MMP24: variants seen among roughly 807,000 people sequenced by gnomAD.
The protein encoded by MMP24 is matrix metallopeptidase 24.
MMP24 carries 25 observed loss-of-function variants against 62.8 expected under a neutral mutation model. The observed-to-expected ratio is 0.40, with a 90% CI of 0.29 to 0.56. MMP24 has a LOEUF of 0.56. Ranked by LOEUF, MMP24 falls within the 20% of genes least tolerant of loss-of-function variation. The pLI is 0.50. For synonymous variants in MMP24, 319 were observed against 350.5 expected, an observed-to-expected ratio of 0.91 and a Z score of 1.00; for missense variants, 634 against 853.6, an observed-to-expected ratio of 0.74 and a Z score of 3.21.
At chr20:35,244,155 G>A (rs1486803688) in intron 1 of MMP24, among the ~76,000 whole-genome samples, 1 of 152,150 alleles carries the variant, frequency 6.6e-6, no homozygotes, top group Non-Finnish European at 1.5e-5. Flanking sequence ...TCCATAATTA[G>A]CCTGTTCATA....
intron 4 of MMP24, among the ~76,000 whole-genome samples, chr20:35,261,276 C>T (rs774862228): frequency 5.3e-5 from 8 of 152,178 alleles, no homozygotes; most frequent in African/African-American, 1.9e-4. Context: ...CCACTGGCCT[C>T]GTGCTTCCTT....
chr20:35,275,984 G>A lies in MMP24; in HGVS notation c.*1375G>A. The A allele has an allele frequency of 2.5e-6, 1 of 398,652 alleles. No homozygotes were observed. The highest frequency in any genetic ancestry group is 4.4e-6 in the Non-Finnish European group (1 of 226,108). 24.7% of individuals were successfully genotyped at this position (398,652 alleles called of 1,614,324 possible). A position where few individuals can be genotyped will look rare whatever the true frequency, so the allele number is the denominator to read the frequency against. On this transcript the variant is annotated 3_prime_UTR_variant, in exon 9 of 9. Coordinates refer to ENST00000246186, the MANE Select transcript of MMP24 (RefSeq NM_006690.4). ...AGGCAGCCCTGCTTGTCACTGAGGA[G>A]CCCTAGACAAGGCCAATGGGTTCAT...
chr20:35,256,160 ATAAT>A (rs1600792244), intron 4 of MMP24: 1 of 152,248 alleles, frequency 6.6e-6, no homozygotes, highest in East Asian at 1.9e-4. Context: ...ATTATAATGC[ATAAT>A]TAAATTTATG....
chr20:35,233,776 G>C (rs1240473855), intron 1 of MMP24, among the ~76,000 whole-genome samples: 2 of 152,234 alleles, frequency 1.3e-5, no homozygotes, highest in Admixed American at 1.3e-4. Flanking sequence ...TTGAGTCCGG[G>C]AGTTTGAGAC....
intron 1 of MMP24, among the ~76,000 whole-genome samples, chr20:35,238,455 T>C (rs1369582403): frequency 6.6e-6 from 1 of 151,806 alleles, no homozygotes; most frequent in African/African-American, 2.4e-5. Context: ...AGGCCAAGGC[T>C]CCCCAAAGAG....
At chr20:35,235,245 A>C (rs992894533) in intron 1 of MMP24, among the ~76,000 whole-genome samples, 1 of 152,078 alleles carries the variant, frequency 6.6e-6, no homozygotes, top group Non-Finnish European at 1.5e-5. Context: ...CTCTACAAAA[A>C]ATACAAAGAT....
chr20:35,272,262 G>C (rs1000792204), intron 8 of MMP24: 3 of 421,200 alleles, frequency 7.1e-6, no homozygotes, highest in Non-Finnish European at 1.3e-5. Flanking sequence ...AAGAGATAAG[G>C]TCTCACTCTG....
At chr20:35,254,851 C>A in intron 4 of MMP24, 97 bp downstream of exon 4, 2 of 1,360,164 alleles carry the variant, frequency 1.5e-6, no homozygotes, top group Non-Finnish European at 2.0e-6. Flanking sequence ...TTTCTAGAGC[C>A]TCTTGTCCAA....
chr20:35,230,190 G>A (rs906747740), intron 1 of MMP24, among the ~76,000 whole-genome samples: 3 of 151,886 alleles, frequency 2.0e-5, no homozygotes, highest in Admixed American at 6.6e-5. Flanking sequence ...GGTTTTCGCC[G>A]TATTGGCCAG....
rs1176613640 is a variant in MMP24 at position 35,276,465 on chromosome 20, A to G, written c.*1856A>G. The G allele has an allele frequency of 7.6e-6, 3 of 396,604 alleles. No homozygotes were observed. The highest frequency in any genetic ancestry group is 1.3e-5 in the Non-Finnish European group (3 of 225,056). 24.6% of individuals were successfully genotyped at this position (396,604 alleles called of 1,614,324 possible). ...CACCGTGCCCTCAGATGAAGCACAG[A>G]GAGGTTGTTACTTGCCCGGGCCATC... On this transcript the variant is annotated 3_prime_UTR_variant, in exon 9 of 9. Transcript: ENST00000246186.
Position 35,263,967 on chromosome 20 carries a change from GA to G in MMP24, c.979+16del. ...GAAGATCTATGGTGTGTGGCAGGGAGAGGGGGGACTGCTCCTTCCTCGGGGC... is the reference window on the plus strand; with the variant it reads ...GAAGATCTATGGTGTGTGGCAGGGAGGGGGGGACTGCTCCTTCCTCGGGGC... On this transcript the variant is annotated intron_variant, in intron 5 of 8. Transcript: ENST00000246186. 1.9e-6 allele frequency: 3 copies of G among 1,587,638 alleles called. No individual in the cohort carries two copies. The highest frequency in any genetic ancestry group is 2.6e-6 in the Non-Finnish European group (3 of 1,164,996).
chr20:35,266,175 TAAA>T (rs35806814), intron 5 of MMP24, among the ~76,000 whole-genome samples: 9 of 43,034 alleles, frequency 2.1e-4, no homozygotes, highest in South Asian at 1.5e-3. Context: ...CCATCTCTGC[TAAA>T]AAAAAAAAAA....
At position 35,274,371 on chromosome 20, in the gene MMP24, T is replaced by C; in HGVS notation, c.1700T>C (p.Met567Thr). ...GYPRNILRDW[M>T]GCNQKEVERR... Reference sequence around the variant, plus strand: ...CCGCGCAACATCCTGCGTGACTGGATGGGCTGCAACCAGAAGGAGGTGGAG... The same window carrying C: ...CCGCGCAACATCCTGCGTGACTGGACGGGCTGCAACCAGAAGGAGGTGGAG... Residue 567 changes from methionine (M) to threonine (T), a missense_variant, in exon 9 of 9, where the codon ATG (methionine) becomes ACG (threonine). Met to Thr is a moderately conservative substitution (Grantham distance 81). Around this residue, in one of 3 missense-constraint regions of MMP24, gnomAD observed 399 missense variants for 530.8 expected, o/e 0.75. Transcript: ENST00000246186. The surrounding 1 kb of genome is among the most constrained non-coding windows in gnomAD (Gnocchi z 5.1). The C allele has an allele frequency of 6.2e-7, 1 of 1,613,904 alleles. No homozygotes were observed. Among genetic ancestry groups the C allele is most frequent in the Non-Finnish European group, 8.5e-7 (1 of 1,179,874 alleles).
At chr20:35,258,147 A>T (rs1210289001) in intron 4 of MMP24, among the ~76,000 whole-genome samples, 2 of 152,194 alleles carry the variant, frequency 1.3e-5, no homozygotes, top group Non-Finnish European at 2.9e-5. Context: ...ACGTTGTGGC[A>T]TTCCTATTTA....
Position 35,274,386 on chromosome 20 carries a change from A to G in MMP24, c.1715A>G (p.Lys572Arg). 1.2e-6 allele frequency: 2 copies of G among 1,613,988 alleles called. No homozygotes were observed. The highest frequency in any genetic ancestry group is 1.7e-6 in the Non-Finnish European group (2 of 1,179,892). The change falls in exon 9 of 9, where the codon AAG becomes AGG. Residue 572 changes from lysine to arginine, a missense_variant. By Grantham distance (26) the Lys-to-Arg change is conservative (BLOSUM62 2). Coordinates refer to ENST00000246186, the MANE Select transcript of MMP24 (RefSeq NM_006690.4). This position sits in a 1 kb window ranked among gnomAD's most constrained non-coding sequence, Gnocchi z 5.1. ...ILRDWMGCNQ[K>R]EVERRKERRL... ...CGTGACTGGATGGGCTGCAACCAGA[A>G]GGAGGTGGAGCGGCGGAAGGAGCGG...
In MMP24 at chr20:35,269,616, C is replaced by A; in HGVS notation, c.1195-144C>A. 1 of 1,011,518 alleles carries A rather than the reference C, an allele frequency of 9.9e-7. No individual in the cohort carries two copies. The highest frequency in any genetic ancestry group is 1.4e-6 in the Non-Finnish European group (1 of 708,902). 62.7% of individuals were successfully genotyped at this position (1,011,518 alleles called of 1,614,324 possible). A position where few individuals can be genotyped will look rare whatever the true frequency, so the allele number is the denominator to read the frequency against. Reference sequence around the variant, plus strand: ...AGTTACAGGAGCATCCTGTCTTCCTCCCAGGGCTTTAAAAGTCAGAAGCAG... The same window carrying A: ...AGTTACAGGAGCATCCTGTCTTCCTACCAGGGCTTTAAAAGTCAGAAGCAG... On this transcript the variant is annotated intron_variant, in intron 6 of 8. Transcript: ENST00000246186. This position sits in a 1 kb window ranked among gnomAD's most constrained non-coding sequence, Gnocchi z 4.6.
At chr20:35,266,596 A>T (rs1157538143) in intron 5 of MMP24, among the ~76,000 whole-genome samples, 3 of 152,128 alleles carry the variant, frequency 2.0e-5, no homozygotes, top group African/African-American at 7.2e-5. Flanking sequence ...GCAGGAGGAC[A>T]ACCAAGAGAG....
At chr20:35,273,512 C>A (rs545442011) in intron 8 of MMP24, among the ~76,000 whole-genome samples, 11 of 152,254 alleles carry the variant, frequency 7.2e-5, no homozygotes, top group African/African-American at 2.6e-4. Context: ...AAGCCAATGG[C>A]CACAGCTGCT....
chr20:35,239,049 ATTT>A (rs559984259), intron 1 of MMP24, among the ~76,000 whole-genome samples: 1 of 133,252 alleles, frequency 7.5e-6, no homozygotes, highest in Non-Finnish European at 1.6e-5. Context: ...ACTTTTTTCA[ATTT>A]TTTTTTTTTT....
Sources: allele counts gnomAD v4.1 joint callset (sites outside exome capture counted in the v4.1 genomes callset), GRCh38; gene constraint gnomAD v4.1.1; regional missense constraint gnomAD v4.1.1; non-coding constraint Gnocchi (gnomAD v3.1); transcripts MANE v1.5; gene names NCBI Gene and HGNC (gene_info 2026-07-23, HGNC 2026-07-21).